The following SLC13A3 variants were observed in gnomAD, a reference collection of about 807,000 sequenced individuals.
SLC13A3 encodes the protein solute carrier family 13 member 3, also known as Na(+)/dicarboxylate cotransporter 3.
A neutral mutation model predicts 59.0 loss-of-function variants in SLC13A3; 40 were observed. The observed-to-expected ratio is 0.68, with a 90% CI of 0.53 to 0.88. The LOEUF (loss-of-function observed/expected upper bound fraction) is 0.88, where lower values mean the gene tolerates loss of function less well. Among genes scored for constraint, SLC13A3 ranks in the 40% least tolerant of loss-of-function variants. SLC13A3 has a pLI of 0.00. For missense variants in SLC13A3, 699 were observed against 783.2 expected, an observed-to-expected ratio of 0.89 and a Z score of 1.28; for synonymous variants, 317 against 330.3, an observed-to-expected ratio of 0.96 and a Z score of 0.44.
chr20:46,675,642 G>A (rs1310887754), intron 1 of SLC13A3, among the ~76,000 whole-genome samples: 1 of 149,732 alleles, frequency 6.7e-6, no homozygotes, highest in African/African-American at 2.5e-5. Context: ...GTGCAGTGGT[G>A]CAATCACAGC....
chr20:46,631,977 C>T (rs2062742821), intron 1 of SLC13A3, among the ~76,000 whole-genome samples: 1 of 152,154 alleles, frequency 6.6e-6, no homozygotes, highest in South Asian at 2.1e-4. Flanking sequence ...ACTGCCTCCA[C>T]CACCACTGTC....
intron 1 of SLC13A3, among the ~76,000 whole-genome samples, chr20:46,682,950 T>A (rs1324983229): frequency 6.6e-6 from 1 of 152,194 alleles, no homozygotes; most frequent in Non-Finnish European, 1.5e-5. Context: ...AGGAATCCAC[T>A]GTTCACCTAG....
intron 8 of SLC13A3, chr20:46,585,239 T>A: frequency 1.0e-6 from 1 of 972,822 alleles, no homozygotes; most frequent in Non-Finnish European, 1.2e-6. Context: ...CATATTTGTA[T>A]GTGTGTATGT....
chr20:46,571,470 A>AG (rs1301495248), intron 10 of SLC13A3, among the ~76,000 whole-genome samples: 1 of 152,176 alleles, frequency 6.6e-6, no homozygotes, highest in African/African-American at 2.4e-5. Context: ...TTGAGCACCC[A>AG]GGGTATATCA....
chr20:46,588,844 A>G (rs1390966042), intron 7 of SLC13A3, among the ~76,000 whole-genome samples: 1 of 152,166 alleles, frequency 6.6e-6, no homozygotes, highest in Non-Finnish European at 1.5e-5. Flanking sequence ...TGCATTAAAC[A>G]AGGTCCCGGA....
chr20:46,612,349 G>A (rs979517374), intron 2 of SLC13A3, among the ~76,000 whole-genome samples: 1 of 152,038 alleles, frequency 6.6e-6, no homozygotes, highest in East Asian at 1.9e-4. Flanking sequence ...AGCCAGGCTG[G>A]TCTTGAACTC....
At chr20:46,629,954 T>A (rs1296816139) in intron 1 of SLC13A3, among the ~76,000 whole-genome samples, 1 of 152,228 alleles carries the variant, frequency 6.6e-6, no homozygotes, top group Non-Finnish European at 1.5e-5. Context: ...TTTTGGCAGA[T>A]CTCATGTTGG....
chr20:46,633,679 T>C (rs1262611466), intron 1 of SLC13A3, among the ~76,000 whole-genome samples: 1 of 152,244 alleles, frequency 6.6e-6, no homozygotes, highest in Non-Finnish European at 1.5e-5. Flanking sequence ...AATTCCCTTG[T>C]TAAACTCTAC....
intron 3 of SLC13A3, among the ~76,000 whole-genome samples, chr20:46,607,274 G>A (rs1474606046): frequency 2.6e-5 from 4 of 152,180 alleles, no homozygotes; most frequent in African/African-American, 9.7e-5. Flanking sequence ...CAGCTCACAT[G>A]ATGATTATGG....
At chr20:46,566,513 C>T in intron 10 of SLC13A3, 123 bp from the exon 11 acceptor site, 1 of 1,131,106 alleles carries the variant, frequency 8.8e-7, no homozygotes, top group Non-Finnish European at 1.2e-6. Context: ...GACTGAGGTG[C>T]AGAGAGGGGA....
intron 1 of SLC13A3, among the ~76,000 whole-genome samples, chr20:46,618,533 G>A (rs745985108): frequency 2.6e-5 from 4 of 152,168 alleles, no homozygotes; most frequent in Admixed American, 2.0e-4. Context: ...TGATTAGGTC[G>A]TGAGGGCTCT....
At chr20:46,593,441 T>C (rs2062279887) in intron 5 of SLC13A3, among the ~76,000 whole-genome samples, 2 of 152,148 alleles carry the variant, frequency 1.3e-5, no homozygotes, top group South Asian at 4.1e-4. Flanking sequence ...AGGTAAATAA[T>C]AAACCAAAAC....
At chr20:46,622,613 GGTGT>G (rs137856900) in intron 1 of SLC13A3, among the ~76,000 whole-genome samples, 1 of 112,070 alleles carries the variant, frequency 8.9e-6, no homozygotes, top group Non-Finnish European at 1.8e-5. Flanking sequence ...ATTGGTGTGT[GGTGT>G]GTGCGTGTGT....
chr20:46,613,143 G>T (rs1485304883), intron 2 of SLC13A3, among the ~76,000 whole-genome samples: 1 of 151,718 alleles, frequency 6.6e-6, no homozygotes, highest in Non-Finnish European at 1.5e-5. Context: ...TGTCAGTGTG[G>T]CCCCCTCCAA....
rs551986129 is a variant in SLC13A3, at chr20:46,677,017, G to T, written c.-31+7379C>A. Among the ~76,000 whole-genome samples, 143 of 152,238 alleles carry T rather than the reference G, an allele frequency of 9.4e-4. 1 individual carries two copies. The highest frequency in any genetic ancestry group is 3.4e-3 in the African/African-American group (140 of 41,556). On this transcript the variant is annotated intron_variant, in intron 1 of 6. Transcript: ENST00000372121. ...CAACCCCCATCTCCTGGGTTCAAGC[G>T]ATTCTCCTGTCTCAGCCTCCCAAGT...
intron 1 of SLC13A3, among the ~76,000 whole-genome samples, chr20:46,629,756 C>A (rs2062718836): frequency 6.6e-6 from 1 of 152,150 alleles, no homozygotes; most frequent in Admixed American, 6.5e-5. Context: ...GCTTCTTAAT[C>A]TCTCTTCTTT....
chr20:46,613,719 G>C lies in SLC13A3; in HGVS notation c.118C>G (p.Arg40Gly), dbSNP rs77731467. Residue 40 changes from arginine (R) to glycine (G), a missense_variant, in exon 2 of 13, where the codon CGC (arginine) becomes GGC (glycine). Coordinates refer to ENST00000279027, the MANE Select transcript of SLC13A3 (RefSeq NM_022829.6). ...VVFALPPKEGRCLFVILLMAV... is the reference protein window; with the variant it reads ...VVFALPPKEGGCLFVILLMAV... ...ATGAGCAGGATGACAAACAAGCAGC[G>C]GCCTTCCTGCAGGAGGAGATGCATG... 3.9e-5 allele frequency: 63 copies of C among 1,598,056 alleles called. No homozygotes were observed. The South Asian group carries it at 6.9e-4, about 17-fold the overall frequency.
chr20:46,600,261 GAAAGGA>G (rs751958213), intron 3 of SLC13A3, among the ~76,000 whole-genome samples: 15 of 135,672 alleles, frequency 1.1e-4, no homozygotes, highest in South Asian at 4.9e-4. Flanking sequence ...AGGAAGGAAG[GAAAGGA>G]AAGGAAAGGA....
Position 46,575,632 on chromosome 20 carries a change from C to G in SLC13A3, c.1273G>C (p.Val425Leu). 1 of 1,606,700 alleles carries G rather than the reference C, an allele frequency of 6.2e-7. No homozygotes were observed. The highest frequency in any genetic ancestry group is 8.5e-7 in the Non-Finnish European group (1 of 1,176,512). Residue 425 changes from valine (V) to leucine (L), a missense_variant, in exon 10 of 13, where the codon GTG (valine) becomes CTG (leucine). Val to Leu is a conservative substitution (Grantham distance 32). Transcript: ENST00000279027. ...AGGAGAAGGATGATGTTCCAGGGCA[C>G]TGTCTCCTGGGCCTTCTTCCAGGTC... ...LLTWKKAQETVPWNIILLLGG... is the reference protein window; with the variant it reads ...LLTWKKAQETLPWNIILLLGG...
Sources: gnomAD v4.1 joint callset for allele counts (sites outside exome capture counted in the v4.1 genomes callset) on GRCh38, gnomAD v4.1.1 for gene constraint, MANE v1.5 for transcripts, NCBI Gene and HGNC (gene_info 2026-07-23, HGNC 2026-07-21) for gene names.